SDHB: variants seen among roughly 807,000 people sequenced by gnomAD.
The protein encoded by SDHB is succinate dehydrogenase [ubiquinone] iron-sulfur subunit, mitochondrial.
SDHB carries 21 observed loss-of-function variants against 39.7 expected under a neutral mutation model. The observed-to-expected ratio is 0.53, with a 90% CI of 0.37 to 0.76. The LOEUF (loss-of-function observed/expected upper bound fraction) is 0.76. Ranked by LOEUF, SDHB falls within the 30% of genes least tolerant of loss-of-function variation. SDHB has a pLI of 0.00. For synonymous variants in SDHB, 118 were observed against 117.0 expected (o/e 1.01, Z -0.06); for missense variants, 343 against 350.9 (o/e 0.98, Z 0.18).
intron 1 of SDHB, among the ~76,000 whole-genome samples, chr1:17,048,876 A>G (rs1044829468): frequency 3.9e-5 from 6 of 151,912 alleles, no homozygotes; most frequent in Admixed American, 3.3e-4. Context: ...ACGCCGAGCT[A>G]ATTTTTATAT....
intron 1 of SDHB, among the ~76,000 whole-genome samples, chr1:17,051,022 A>G (rs2295058): frequency 0.27 from 41,076 of 152,156 alleles, 6,283 homozygotes; most frequent in East Asian, 0.63. Flanking sequence ...ACTTGATTCA[A>G]AAATCCAACC....
At position 17,027,877 on chromosome 1, in the gene SDHB, A is replaced by C. The variant is rs764697618; in HGVS notation, c.424-12T>G. On this transcript the variant is annotated splice_polypyrimidine_tract_variant and intron_variant, in intron 4 of 7. Coordinates refer to ENST00000375499, the MANE Select transcript of SDHB (RefSeq NM_003000.3). ...AAGTTGCTCAAATCCTGTGGTTAAGAGGAAGAAGAAGAAGAAGAAGAAGAA... is the reference window on the plus strand; with the variant it reads ...AAGTTGCTCAAATCCTGTGGTTAAGCGGAAGAAGAAGAAGAAGAAGAAGAA... 3 of 1,406,652 alleles carry C rather than the reference A, an allele frequency of 2.1e-6. No homozygotes were observed. The South Asian group carries it at 3.5e-5, about 16-fold the overall frequency. The allele number at this position is 1,406,652 out of a possible 1,614,324, so 87.1% of individuals were successfully genotyped here.
At chr1:17,050,457 T>C (rs2078139647) in intron 1 of SDHB, among the ~76,000 whole-genome samples, 1 of 151,916 alleles carries the variant, frequency 6.6e-6, no homozygotes, top group Non-Finnish European at 1.5e-5. Context: ...GAGATCAGCC[T>C]GGCCAACACG....
intron 7 of SDHB, among the ~76,000 whole-genome samples, chr1:17,019,478 C>T (rs1321690780): frequency 6.6e-6 from 1 of 152,144 alleles, no homozygotes; most frequent in Admixed American, 6.5e-5. Flanking sequence ...CAGTTTGCCC[C>T]TACAGCTGTT....
At chr1:17,033,852 CA>C (rs1181396191) in intron 2 of SDHB, among the ~76,000 whole-genome samples, 21 of 152,230 alleles carry the variant, frequency 1.4e-4, no homozygotes, top group Non-Finnish European at 1.2e-4. Flanking sequence ...TTTACAGCAG[CA>C]TCTGACATAT....
chr1:17,044,735 T>G, intron 2 of SDHB, 26 bp downstream of exon 2: 1 of 1,612,630 alleles, frequency 6.2e-7, no homozygotes, highest in Non-Finnish European at 8.5e-7. Flanking sequence ...TCTCCTTCAA[T>G]AGCTGGCTTT....
intron 1 of SDHB, among the ~76,000 whole-genome samples, chr1:17,051,976 G>C (rs1235632028): frequency 6.6e-6 from 1 of 151,334 alleles, no homozygotes; most frequent in Non-Finnish European, 1.5e-5. Flanking sequence ...TGTGTAGCTA[G>C]GATTATAGGC....
chr1:17,027,550 C>T (rs1376933819), intron 5 of SDHB, 199 bp downstream of exon 5: 3 of 593,712 alleles, frequency 5.1e-6, no homozygotes, highest in Admixed American at 5.0e-5. Context: ...GCTCTAGCTC[C>T]TTGGTCCACT....
chr1:17,022,242 C>T (rs764603994), intron 7 of SDHB, among the ~76,000 whole-genome samples: 3 of 152,192 alleles, frequency 2.0e-5, no homozygotes, highest in South Asian at 2.1e-4. Context: ...CAGCTGACAT[C>T]GCGAGAAAGA....
chr1:17,040,884 CT>C (rs946348942), intron 2 of SDHB, among the ~76,000 whole-genome samples: 2 of 152,150 alleles, frequency 1.3e-5, no homozygotes, highest in African/African-American at 2.4e-5. Flanking sequence ...AATCCCAGCA[CT>C]TTGGGAGGCC....
At chr1:17,038,962 C>T (rs560228668) in intron 2 of SDHB, among the ~76,000 whole-genome samples, 1 of 152,194 alleles carries the variant, frequency 6.6e-6, no homozygotes, top group South Asian at 2.1e-4. Flanking sequence ...TGGTGAATCA[C>T]ATTGATTTTC....
At position 17,052,713 on chromosome 1, in the gene SDHB, G is replaced by A. The variant is rs531461594; in HGVS notation, c.72+1235C>T. Among the ~76,000 whole-genome samples the A allele has an allele frequency of 3.3e-4, 50 of 152,266 alleles. No individual in the cohort carries two copies. In the South Asian group the frequency reaches 9.8e-3, roughly 30 times the overall value. ...TCAGAAAGGCTGATGCAGACAGAGT[G>A]GATCCAAGTTCACACACAGCATGCT... On this transcript the variant is annotated intron_variant, in intron 1 of 7. Transcript: ENST00000375499.
chr1:17,044,325 A>ATTT (rs1234004492), intron 2 of SDHB, among the ~76,000 whole-genome samples: 1 of 141,028 alleles, frequency 7.1e-6, no homozygotes, highest in African/African-American at 2.6e-5. Flanking sequence ...TAACAACCTC[A>ATTT]TTTTTTTTTT....
chr1:17,037,538 C>A (rs1303939661), intron 2 of SDHB, among the ~76,000 whole-genome samples: 1 of 151,928 alleles, frequency 6.6e-6, no homozygotes, highest in Admixed American at 6.6e-5. Flanking sequence ...CTCACTGCAA[C>A]CTCTGCCACC....
At position 17,023,979 on chromosome 1, in the gene SDHB, A is replaced by G. The variant is rs778439194; in HGVS notation, c.636T>C (p.Leu212=). The part of the protein sequence containing the change: ...NGDKYLGPAV[L]MQAYRWMIDS... ...CAATTAAGGAGCACCTCACCTGCAT[A>G]AGAACTGCAGGCCCCAGATATTTGT... Residue 212 remains leucine, a synonymous_variant, in exon 6 of 8, where the codon CTT becomes CTC. Coordinates refer to ENST00000375499, the MANE Select transcript of SDHB (RefSeq NM_003000.3). 4.3e-6 allele frequency: 7 copies of G among 1,610,120 alleles called. No homozygotes were observed. Among genetic ancestry groups the G allele is most frequent in the South Asian group, 2.2e-5 (2 of 91,022 alleles).
chr1:17,046,923 G>A lies in SDHB; in HGVS notation c.73-2035C>T, dbSNP rs191268213. Among the ~76,000 whole-genome samples, 26 of 152,268 alleles carry A rather than the reference G, an allele frequency of 1.7e-4. No homozygotes were observed. The East Asian group carries it at 5.0e-3, about 29-fold the overall frequency. ...GTAGAGATGTGGTTTGTCTATGTTGGTCAGGGTAGTCTCAAACTCCCAACC... is the reference window on the plus strand; with the variant it reads ...GTAGAGATGTGGTTTGTCTATGTTGATCAGGGTAGTCTCAAACTCCCAACC... On this transcript the variant is annotated intron_variant, in intron 1 of 7. Coordinates refer to ENST00000375499, the MANE Select transcript of SDHB (RefSeq NM_003000.3).
intron 2 of SDHB, among the ~76,000 whole-genome samples, chr1:17,034,774 C>G (rs992409310): frequency 6.6e-6 from 1 of 152,170 alleles, no homozygotes; most frequent in African/African-American, 2.4e-5. Context: ...CTTTGCTATT[C>G]TGATACTGGA....
intron 1 of SDHB, among the ~76,000 whole-genome samples, chr1:17,053,707 C>T (rs546803164): frequency 9.9e-5 from 15 of 151,966 alleles, no homozygotes; most frequent in East Asian, 3.9e-4. Context: ...ACGTCCCCCC[C>T]CCCCGCACCC....
intron 6 of SDHB, 122 bp from the exon 7 acceptor site, chr1:17,022,852 C>T (rs2077969801): frequency 1.7e-6 from 2 of 1,199,974 alleles, no homozygotes; most frequent in South Asian, 1.3e-5. Flanking sequence ...TGCCTCATCT[C>T]CATACTCTTT....
Sources: allele counts gnomAD v4.1 joint callset (sites outside exome capture counted in the v4.1 genomes callset), GRCh38; gene constraint gnomAD v4.1.1; transcripts MANE v1.5; gene names NCBI Gene and HGNC (gene_info 2026-07-23, HGNC 2026-07-21).